Variants in EYS observed in about 807,000 individuals in gnomAD.
EYS encodes EGF-like photoreceptor maintenance factor, also known as protein eyes shut homolog.
In EYS, 250 loss-of-function variants were observed where a neutral mutation model predicts 282.1. The observed-to-expected ratio is 0.89, with a 90% CI of 0.80 to 0.98. EYS has a LOEUF of 0.98. Among genes scored for constraint, EYS ranks in the 50% least tolerant of loss-of-function variants. The pLI is 0.00. For synonymous variants in EYS, 1,355 were observed against 1,282.9 expected (o/e 1.06, Z -1.20); for missense variants, 4,016 against 3,709.0 (o/e 1.08, Z -2.15).
chr6:65,627,014 CCTTTCTTT>C (rs67656600), intron 2 of EYS, among the ~76,000 whole-genome samples: 1 of 151,442 alleles, frequency 6.6e-6, no homozygotes, highest in Non-Finnish European at 1.5e-5. Flanking sequence ...CTCTCTCTGC[CCTTTCTTT>C]CTTTCTCTTT....
At chr6:65,592,116 T>A (rs1765253446) in intron 2 of EYS, among the ~76,000 whole-genome samples, 1 of 152,004 alleles carries the variant, frequency 6.6e-6, no homozygotes, top group Non-Finnish European at 1.5e-5. Flanking sequence ...ATTTTGATCA[T>A]TTTTTCAAAA....
At chr6:65,110,655 T>C (rs1775189500) in intron 12 of EYS, among the ~76,000 whole-genome samples, 2 of 152,076 alleles carry the variant, frequency 1.3e-5, no homozygotes, top group Non-Finnish European at 2.9e-5. Context: ...CAAACATTCA[T>C]CATATTAAAG....
chr6:63,721,135 TAA>T lies in EYS; in HGVS notation c.8894_8895del (p.Ile2965LysfsTer4). On this transcript the variant is annotated frameshift_variant, in exon 43 of 43. Coordinates refer to ENST00000503581, the MANE Select transcript of EYS (RefSeq NM_001142800.2). LOFTEE classifies it high-confidence loss of function. Reference sequence around the variant, plus strand: ...ATTCTATAATTTGGATCAATGTATTTAATGTAAGAATTACCCATAAATTTTGC... The same window carrying T: ...ATTCTATAATTTGGATCAATGTATTTTGTAAGAATTACCCATAAATTTTGC... ...STAKFMGNSY[I>X]KYIDPNYRMR... 1 of 1,551,456 alleles carries T rather than the reference TAA, an allele frequency of 6.4e-7. No individual in the cohort carries two copies. Among genetic ancestry groups the T allele is most frequent in the Non-Finnish European group, 8.7e-7 (1 of 1,146,736 alleles).
intron 35 of EYS, among the ~76,000 whole-genome samples, chr6:63,940,379 A>G (rs904006552): frequency 3.9e-5 from 6 of 152,140 alleles, no homozygotes; most frequent in African/African-American, 1.2e-4. Context: ...GGGTGTAAAA[A>G]CTTTGTACTT....
chr6:65,027,217 CTT>C (rs375254347), intron 13 of EYS, among the ~76,000 whole-genome samples: 266 of 152,250 alleles, frequency 1.7e-3, no homozygotes, highest in African/African-American at 6.3e-3. Context: ...AATCAAAACT[CTT>C]GTTTCTAAAG....
chr6:64,166,365 T>C (rs1764291216), intron 31 of EYS, among the ~76,000 whole-genome samples: 1 of 152,228 alleles, frequency 6.6e-6, no homozygotes. Flanking sequence ...TCAAGTGATT[T>C]GCACAAGGCT....
intron 39 of EYS, among the ~76,000 whole-genome samples, chr6:63,782,618 G>A (rs1424907598): frequency 6.6e-6 from 1 of 152,058 alleles, no homozygotes; most frequent in East Asian, 1.9e-4. Context: ...ATTTTTTATT[G>A]CATCTATTTG....
At chr6:64,792,744 GTA>G (rs1230773464) in intron 22 of EYS, among the ~76,000 whole-genome samples, 5 of 151,926 alleles carry the variant, frequency 3.3e-5, no homozygotes, top group Admixed American at 3.3e-4. Context: ...CTATTATATT[GTA>G]TAATGTTAGG....
intron 22 of EYS, among the ~76,000 whole-genome samples, chr6:64,717,298 G>A (rs1771429733): frequency 6.6e-6 from 1 of 152,170 alleles, no homozygotes; most frequent in Non-Finnish European, 1.5e-5. Context: ...TATGGTCTCT[G>A]TTCAGTGAAA....
intron 5 of EYS, among the ~76,000 whole-genome samples, chr6:65,482,011 G>A (rs773863846): frequency 5.9e-4 from 90 of 152,212 alleles, no homozygotes; most frequent in Non-Finnish European, 1.1e-3. Context: ...GATGGAATAC[G>A]GTAGCAAAGG....
rs927289714 is a variant in EYS, at chr6:64,435,583, G to A, written c.5927+591C>T. 1.1e-4 allele frequency among the ~76,000 whole-genome samples: 17 copies of A among 151,178 alleles called. No individual in the cohort carries two copies. The South Asian group carries it at 1.7e-3, about 15-fold the overall frequency. On this transcript the variant is annotated intron_variant, in intron 28 of 42. Coordinates refer to ENST00000503581, the MANE Select transcript of EYS (RefSeq NM_001142800.2). ...CATCACTCAAAGAAATAAAAAAGGT[G>A]GAGGGAGGTAAGGCACATAACAAAA...
chr6:65,261,571 C>G (rs1221758857), intron 12 of EYS, among the ~76,000 whole-genome samples: 1 of 151,904 alleles, frequency 6.6e-6, no homozygotes, highest in African/African-American at 2.4e-5. Context: ...TTGGTATTCA[C>G]TTAATAATAT....
At chr6:64,259,647 C>CGG in intron 30 of EYS, among the ~76,000 whole-genome samples, 1 of 68,284 alleles carries the variant, frequency 1.5e-5, no homozygotes, top group Non-Finnish European at 3.3e-5. Context: ...CTTTTACACA[C>CGG]GCGCACACAC....
At position 65,420,455 on chromosome 6, in the gene EYS, T is replaced by C. The variant is rs78196576; in HGVS notation, c.863-15088A>G. On this transcript the variant is annotated intron_variant, in intron 5 of 42. Coordinates refer to ENST00000503581, the MANE Select transcript of EYS (RefSeq NM_001142800.2). ...GGCTCCACTTTTCATTCTAGTGTTC[T>C]TGCTATTTCCACTACATTTGCAGTT... Among the ~76,000 whole-genome samples the C allele has an allele frequency of 8.9e-4, 136 of 152,094 alleles. No individual in the cohort carries two copies. In the East Asian group the frequency reaches 0.016, roughly 18 times the overall value.
intron 15 of EYS, among the ~76,000 whole-genome samples, chr6:64,943,979 A>G (rs1472906412): frequency 6.6e-6 from 1 of 152,178 alleles, no homozygotes; most frequent in African/African-American, 2.4e-5. Context: ...AACCAAAAAC[A>G]GCATGGCAGC....
At chr6:65,166,765 G>C (rs1333744099) in intron 12 of EYS, among the ~76,000 whole-genome samples, 2 of 150,916 alleles carry the variant, frequency 1.3e-5, no homozygotes, top group Non-Finnish European at 3.0e-5. Context: ...CCCATAGAAT[G>C]GTAGAAAATA....
At chr6:65,513,186 C>G (rs542347881) in intron 2 of EYS, among the ~76,000 whole-genome samples, 3 of 152,286 alleles carry the variant, frequency 2.0e-5, no homozygotes, top group Middle Eastern at 3.4e-3. Flanking sequence ...ACTAGAAAAT[C>G]TAGAAGAAAT....
At chr6:65,321,139 T>C (rs1195790022) in intron 11 of EYS, among the ~76,000 whole-genome samples, 1 of 147,956 alleles carries the variant, frequency 6.8e-6, no homozygotes, top group Non-Finnish European at 1.5e-5. Flanking sequence ...GTAGAGAGTA[T>C]GAAAGCCTTT....
chr6:64,509,756 A>G (rs1295328850), intron 26 of EYS, among the ~76,000 whole-genome samples: 1 of 152,134 alleles, frequency 6.6e-6, no homozygotes, highest in African/African-American at 2.4e-5. Context: ...TCTGTTTTAG[A>G]ATGGCAACAA....
Sources: gnomAD v4.1 joint callset for allele counts (sites outside exome capture counted in the v4.1 genomes callset) on GRCh38, gnomAD v4.1.1 for gene constraint, MANE v1.5 for transcripts, NCBI Gene and HGNC (gene_info 2026-07-23, HGNC 2026-07-21) for gene names.